The following BCORL1 variants were observed in gnomAD, a reference collection of about 807,000 sequenced individuals.
The protein encoded by BCORL1 is BCL-6 corepressor-like protein 1.
A neutral mutation model predicts 87.6 loss-of-function variants in BCORL1; 7 were observed. That is an observed-to-expected ratio of 0.08 (90% CI 0.05 to 0.15). The LOEUF is 0.15. Among genes scored for constraint, BCORL1 ranks in the 10% least tolerant of loss-of-function variants. The probability of loss-of-function intolerance (pLI) is 1.00; values close to 1 mark genes in which losing one functional copy is unlikely to be tolerated. For missense variants in BCORL1, 1,215 were observed against 1,499.7 expected, an observed-to-expected ratio of 0.81 and a Z score of 3.13; for synonymous variants, 591 against 634.4, an observed-to-expected ratio of 0.93 and a Z score of 1.03.
chrX:130,045,459 T>C (rs7061791), intron 11 of BCORL1, among the ~76,000 whole-genome samples: 11,694 of 110,481 alleles, frequency 0.11, 1,567 homozygotes, highest in African/African-American at 0.36. Context: ...GTTTTTCTCA[T>C]CTTTCAAGTC....
intron 5 of BCORL1, chrX:130,021,405 A>G: frequency 2.4e-6 from 1 of 418,689 alleles, no homozygotes; most frequent in Non-Finnish European, 3.0e-6. Context: ...CAGGCCCACA[A>G]CACAGTAGCC....
chrX:130,037,359 C>G lies in BCORL1; in HGVS notation c.4528-8C>G. The G allele has an allele frequency of 8.3e-7, 1 of 1,209,758 alleles. No individual in the cohort carries two copies. On this transcript the variant is annotated splice_polypyrimidine_tract_variant and splice_region_variant and intron_variant, in intron 9 of 13. Coordinates refer to ENST00000540052, the MANE Select transcript of BCORL1 (RefSeq NM_001379451.1). ...TCTTTGCTCATGGAGTTGTCCCTGT[C>G]CCCACAGGATGTTGTTCTCTACTGC...
chrX:130,042,284 C>T (rs1323078680), intron 11 of BCORL1, among the ~76,000 whole-genome samples: 1 of 110,655 alleles, frequency 9.0e-6, no homozygotes, highest in Non-Finnish European at 1.9e-5. Flanking sequence ...TGTTGAGATA[C>T]GGGGTTTGCT....
intron 7 of BCORL1, 109 bp downstream of exon 7, chrX:130,025,488 T>G: frequency 2.7e-6 from 2 of 745,196 alleles, no homozygotes; most frequent in East Asian, 3.4e-5. Context: ...AACCCGGTGC[T>G]ATGATCTCCA....
chrX:129,983,274 C>A (rs1926271628), intron 1 of BCORL1, among the ~76,000 whole-genome samples: 1 of 108,711 alleles, frequency 9.2e-6, no homozygotes, highest in Non-Finnish European at 1.9e-5. Context: ...TCGGTTGATC[C>A]TGGGGGGGAA....
chrX:129,988,498 C>T (rs765676239), intron 1 of BCORL1, among the ~76,000 whole-genome samples: 12 of 110,795 alleles, frequency 1.1e-4, no homozygotes, highest in Non-Finnish European at 2.3e-4. Flanking sequence ...CTGCAGGCTG[C>T]ATGTCAAGGT....
intron 8 of BCORL1, among the ~76,000 whole-genome samples, chrX:130,033,071 TCTTTTCTTCTC>T (rs1326669734): frequency 9.3e-6 from 1 of 107,119 alleles, no homozygotes; most frequent in Non-Finnish European, 1.9e-5. Context: ...CAATTTTTTT[TCTTTTCTTCTC>T]TCTTTTTTTT....
At chrX:130,046,929 G>A (rs1475322946) in intron 11 of BCORL1, among the ~76,000 whole-genome samples, 1 of 17,490 alleles carries the variant, frequency 5.7e-5, no homozygotes, top group Admixed American at 6.9e-4. Context: ...CCTGCCCCCC[G>A]CCCAACCACT....
Position 130,013,105 on chromosome X carries a change from C to G in BCORL1, c.333C>G (p.Leu111=). The part of the protein sequence containing the change: ...YAGNVAEAEG[L]LVPLSSPGDG... Reference sequence around the variant, plus strand: ...GGAACGTGGCAGAGGCTGAGGGCCTCTTGGTGCCCCTGAGCAGCCCAGGAG... The same window carrying G: ...GGAACGTGGCAGAGGCTGAGGGCCTGTTGGTGCCCCTGAGCAGCCCAGGAG... Residue 111 remains leucine, a synonymous_variant, in exon 4 of 14, where the codon CTC becomes CTG. Transcript: ENST00000540052. 1 of 1,210,311 alleles carries G rather than the reference C, an allele frequency of 8.3e-7. No homozygotes were observed. The highest frequency in any genetic ancestry group is 1.1e-6 in the Non-Finnish European group (1 of 894,158).
intron 6 of BCORL1, 81 bp from the exon 7 acceptor site, chrX:130,024,909 C>T: frequency 8.8e-7 from 1 of 1,140,895 alleles, no homozygotes. Context: ...CTTCAAACTC[C>T]TAGTCCAGGG....
chrX:130,034,713 G>T, intron 9 of BCORL1, 37 bp downstream of exon 9: 2 of 926,241 alleles, frequency 2.2e-6, no homozygotes, highest in Non-Finnish European at 2.8e-6. Flanking sequence ...GGCGCCGTTG[G>T]TCTGAGCATC....
At chrX:130,026,255 G>T (rs1036412192) in intron 7 of BCORL1, among the ~76,000 whole-genome samples, 1 of 112,273 alleles carries the variant, frequency 8.9e-6, no homozygotes, top group Non-Finnish European at 1.9e-5. Context: ...GTAAACATCC[G>T]CTGTCTCCTT....
At chrX:130,019,191 C>T (rs1173273517) in intron 4 of BCORL1, among the ~76,000 whole-genome samples, 2 of 112,403 alleles carry the variant, frequency 1.8e-5, no homozygotes, top group African/African-American at 6.5e-5. Context: ...TATTTTTATT[C>T]CTGACCTCAG....
chrX:130,001,006 A>G (rs1355085798), intron 1 of BCORL1, among the ~76,000 whole-genome samples: 2 of 111,135 alleles, frequency 1.8e-5, no homozygotes, highest in Non-Finnish European at 3.8e-5. Context: ...ATTCAGTTCC[A>G]TATAACATGC....
At chrX:130,028,258 C>T (rs1930363244) in intron 7 of BCORL1, among the ~76,000 whole-genome samples, 2 of 111,399 alleles carry the variant, frequency 1.8e-5, no homozygotes, top group Admixed American at 1.9e-4. Flanking sequence ...GATTTGCTTT[C>T]ATACGGGACT....
rs937144272 is a variant in BCORL1 at position 130,055,760 on chromosome X, G to A, written c.5076-94G>A. 14 of 940,559 alleles carry A rather than the reference G, an allele frequency of 1.5e-5. No individual in the cohort carries two copies. In the East Asian group the frequency reaches 1.6e-4, roughly 10 times the overall value. 77.5% of individuals were successfully genotyped at this position (940,559 alleles called of 1,213,427 possible). A position where few individuals can be genotyped will look rare whatever the true frequency, so the allele number is the denominator to read the frequency against. On this transcript the variant is annotated intron_variant, in intron 13 of 13. Coordinates refer to ENST00000540052, the MANE Select transcript of BCORL1 (RefSeq NM_001379451.1). ...GTTATAATGGGAGACATTGATGGTC[G>A]TGCAGCCTTTGTGGGCTTTGCAGAG...
In BCORL1 at chrX:130,013,132, C is replaced by T. The variant is rs41299086; in HGVS notation, c.360C>T (p.Asp120=). ...TGGTGCCCCTGAGCAGCCCAGGAGACGGGCTCAAGCTTCCCGCATCTGACA... is the reference window on the plus strand; with the variant it reads ...TGGTGCCCCTGAGCAGCCCAGGAGATGGGCTCAAGCTTCCCGCATCTGACA... ...GLLVPLSSPG[D]GLKLPASDSA... Residue 120 remains aspartate, a synonymous_variant, in exon 4 of 14, where the codon GAC becomes GAT. Transcript: ENST00000540052. The T allele has an allele frequency of 5.2e-4, 629 of 1,208,774 alleles. 2 individuals carry two copies. The South Asian group carries it at 6.7e-3, about 13-fold the overall frequency.
chrX:130,005,033 C>A (rs1328174456), intron 1 of BCORL1, among the ~76,000 whole-genome samples, 155 bp from the exon 2 acceptor site: 1 of 112,754 alleles, frequency 8.9e-6, no homozygotes, highest in African/African-American at 3.2e-5. Flanking sequence ...GCTGGTGCTC[C>A]CTCTTCCCGG....
chrX:129,987,989 C>T (rs923062181), intron 1 of BCORL1, among the ~76,000 whole-genome samples: 6 of 111,604 alleles, frequency 5.4e-5, no homozygotes. Flanking sequence ...CTGATGATTA[C>T]ATAACCCAGA....
Sources: gnomAD v4.1 joint callset for allele counts (sites outside exome capture counted in the v4.1 genomes callset) on GRCh38, gnomAD v4.1.1 for gene constraint, MANE v1.5 for transcripts, NCBI Gene and HGNC (gene_info 2026-07-23, HGNC 2026-07-21) for gene names.